The following ANKRD44 variants were observed in gnomAD, a reference collection of about 807,000 sequenced individuals.
ANKRD44 encodes the protein ankyrin repeat domain 44, also known as serine/threonine-protein phosphatase 6 regulatory ankyrin repeat subunit B.
A neutral mutation model predicts 116.0 loss-of-function variants in ANKRD44; 35 were observed. The observed-to-expected ratio is 0.30, with a 90% CI of 0.23 to 0.40. The LOEUF is 0.40. Among genes scored for constraint, ANKRD44 ranks in the 10% least tolerant of loss-of-function variants. The probability of loss-of-function intolerance (pLI) is 1.00; values close to 1 mark genes in which losing one functional copy is unlikely to be tolerated. For synonymous variants in ANKRD44, 435 were observed against 461.8 expected, an observed-to-expected ratio of 0.94 and a Z score of 0.74; for missense variants, 1,014 against 1,242.6, an observed-to-expected ratio of 0.82 and a Z score of 2.77.
chr2:197,130,683 T>C (rs1038897593), intron 4 of ANKRD44, among the ~76,000 whole-genome samples: 1 of 152,248 alleles, frequency 6.6e-6, no homozygotes, highest in Admixed American at 6.5e-5. Flanking sequence ...TGAACAACTT[T>C]TTATAATCAC....
At chr2:197,062,716 C>T (rs1411485830) in intron 16 of ANKRD44, among the ~76,000 whole-genome samples, 1 of 152,220 alleles carries the variant, frequency 6.6e-6, no homozygotes, top group African/African-American at 2.4e-5. Context: ...AAGCCTCACT[C>T]ATTGCTAGCA....
At chr2:197,267,174 A>G (rs1386703369) in intron 1 of ANKRD44, among the ~76,000 whole-genome samples, 2 of 152,210 alleles carry the variant, frequency 1.3e-5, no homozygotes, top group Non-Finnish European at 2.9e-5. Context: ...CTTCCTTACC[A>G]TCTTGAGAAA....
chr2:197,269,705 C>A (rs151333589), intron 1 of ANKRD44, among the ~76,000 whole-genome samples: 1 of 152,200 alleles, frequency 6.6e-6, no homozygotes, highest in East Asian at 1.9e-4. Flanking sequence ...ATGCTAGGTA[C>A]TGGGAGGACA....
chr2:197,189,839 A>G (rs2080780950), intron 1 of ANKRD44, among the ~76,000 whole-genome samples: 2 of 152,214 alleles, frequency 1.3e-5, no homozygotes, highest in South Asian at 4.1e-4. Flanking sequence ...AGTCACTTTA[A>G]GGGAACATAA....
At chr2:197,211,930 A>G (rs1359154453) in intron 1 of ANKRD44, among the ~76,000 whole-genome samples, 1 of 152,012 alleles carries the variant, frequency 6.6e-6, no homozygotes, top group East Asian at 1.9e-4. Context: ...GACTCCAATC[A>G]CTTTGCCCTC....
chr2:196,978,970 T>C (rs78593570), intron 21 of ANKRD44, among the ~76,000 whole-genome samples: 7 of 151,760 alleles, frequency 4.6e-5, no homozygotes, highest in African/African-American at 1.7e-4. Context: ...CCAAAATAGA[T>C]ATAGCATAGT....
chr2:197,245,347 G>C (rs1276902678), intron 1 of ANKRD44, among the ~76,000 whole-genome samples: 6 of 152,174 alleles, frequency 3.9e-5, no homozygotes, highest in Admixed American at 3.9e-4. Flanking sequence ...AAGCAATCTA[G>C]AGATGATTTA....
At chr2:196,969,309 A>G (rs757524370) in intron 21 of ANKRD44, among the ~76,000 whole-genome samples, 16 of 152,136 alleles carry the variant, frequency 1.1e-4, no homozygotes, top group Non-Finnish European at 1.9e-4. Context: ...TAATCTTCCC[A>G]AACTCTTTCC....
chr2:196,996,345 A>G (rs2076011155), intron 25 of ANKRD44, among the ~76,000 whole-genome samples: 1 of 152,224 alleles, frequency 6.6e-6, no homozygotes. Context: ...TGTGGTTCCC[A>G]TGGGCTTCCC....
Position 197,119,428 on chromosome 2 carries a change from T to G in ANKRD44, c.906+1904A>C, listed in dbSNP as rs1038423787. Among the ~76,000 whole-genome samples, 13 of 152,242 alleles carry G rather than the reference T, an allele frequency of 8.5e-5. No individual in the cohort carries two copies. The South Asian group carries it at 2.7e-3, about 32-fold the overall frequency. ...TCATACAATTAAAAATAAAAAAGCT[T>G]TTTACAGACAGGATCTCACTAGGTT... On this transcript the variant is annotated intron_variant, in intron 8 of 27. Transcript: ENST00000282272.
Position 196,989,210 on chromosome 2 carries a change from T to C in ANKRD44, c.*381A>G. 1 of 983,246 alleles carries C rather than the reference T, an allele frequency of 1.0e-6. No homozygotes were observed. The highest frequency in any genetic ancestry group is 1.2e-6 in the Non-Finnish European group (1 of 828,224). The allele number at this position is 983,246 out of a possible 1,614,324, so 60.9% of individuals were successfully genotyped here. A position where few individuals can be genotyped will look rare whatever the true frequency, so the allele number is the denominator to read the frequency against. ...ACAAATAATGGATGTTTCCTCACCA[T>C]TTGTTTCATTTCAAATAAATATAAA... On this transcript the variant is annotated 3_prime_UTR_variant, in exon 28 of 28. Coordinates refer to ENST00000282272, the MANE Select transcript of ANKRD44 (RefSeq NM_001195144.2).
intron 2 of ANKRD44, among the ~76,000 whole-genome samples, chr2:197,159,004 C>CAT (rs757226241): frequency 3.3e-5 from 5 of 151,346 alleles, no homozygotes; most frequent in Non-Finnish European, 7.4e-5. Flanking sequence ...CACACACACA[C>CAT]ACATACACAC....
At position 197,118,637 on chromosome 2, in the gene ANKRD44, G is replaced by GAGAAAGAA. The variant is rs71012953; in HGVS notation, c.906+2687_906+2694dup. On this transcript the variant is annotated intron_variant, in intron 8 of 27. Coordinates refer to ENST00000282272, the MANE Select transcript of ANKRD44 (RefSeq NM_001195144.2). ...AGAAAGAGAGAGAGAGAGAGAGAGA[G>GAGAAAGAA]AGAAAGAAAGAAAGAAAGAAAGAAA... Among the ~76,000 whole-genome samples the GAGAAAGAA allele has an allele frequency of 8.0e-3, 895 of 112,402 alleles. 12 individuals carry two copies. The highest frequency in any genetic ancestry group is 0.02 in the African/African-American group (589 of 30,054). 73.7% of individuals were successfully genotyped at this position (112,402 alleles called of 152,430 possible).
At chr2:197,113,225 T>G (rs2078630972) in intron 8 of ANKRD44, among the ~76,000 whole-genome samples, 1 of 152,224 alleles carries the variant, frequency 6.6e-6, no homozygotes, top group Non-Finnish European at 1.5e-5. Context: ...AAAAGTTATC[T>G]GATTCCAGAG....
chr2:197,259,500 A>G (rs2082540700), intron 1 of ANKRD44, among the ~76,000 whole-genome samples: 1 of 152,196 alleles, frequency 6.6e-6, no homozygotes, highest in Non-Finnish European at 1.5e-5. Flanking sequence ...ATGATTTCCC[A>G]GACTTCTGCA....
chr2:197,062,195 CA>C lies in ANKRD44; in HGVS notation c.1650+16507del, dbSNP rs543696128. On this transcript the variant is annotated intron_variant, in intron 16 of 27. Coordinates refer to ENST00000282272, the MANE Select transcript of ANKRD44 (RefSeq NM_001195144.2). ...TAGGTAGCTAATGTAAGAGAAGCCA[CA>C]CCTTGGAAGTTGTCCTAATGGTCTG... Among the ~76,000 whole-genome samples the C allele has an allele frequency of 2.0e-5, 3 of 152,312 alleles. No individual in the cohort carries two copies. In the East Asian group the frequency reaches 5.8e-4, roughly 29 times the overall value.
chr2:196,991,046 A>G, intron 27 of ANKRD44: 2 of 952,098 alleles, frequency 2.1e-6, no homozygotes, highest in African/African-American at 1.7e-5. Flanking sequence ...GTTAGAAATC[A>G]TGCCAGGTAA....
intron 16 of ANKRD44, among the ~76,000 whole-genome samples, chr2:197,060,560 C>CT (rs1439638457): frequency 6.6e-6 from 1 of 152,190 alleles, no homozygotes; most frequent in African/African-American, 2.4e-5. Context: ...ACTTTCTACT[C>CT]TCAGCAAATT....
chr2:197,114,125 C>T (rs187910084), intron 8 of ANKRD44, among the ~76,000 whole-genome samples: 16 of 152,330 alleles, frequency 1.1e-4, no homozygotes, highest in Non-Finnish European at 2.4e-4. Flanking sequence ...GTTTCATGAT[C>T]TGAGAAATTG....
Sources: allele counts gnomAD v4.1 joint callset (sites outside exome capture counted in the v4.1 genomes callset), GRCh38; gene constraint gnomAD v4.1.1; transcripts MANE v1.5; gene names NCBI Gene and HGNC (gene_info 2026-07-23, HGNC 2026-07-21).